The following CHST10 variants were observed in gnomAD, a reference collection of about 807,000 sequenced individuals.
CHST10 encodes the protein carbohydrate sulfotransferase 10.
In CHST10, 24 loss-of-function variants were observed where a neutral mutation model predicts 34.7. The ratio of observed to expected loss-of-function variants is 0.69; its 90% confidence interval spans 0.50 to 0.97. The LOEUF (loss-of-function observed/expected upper bound fraction) is 0.97, where lower values mean the gene tolerates loss of function less well. Among genes scored for constraint, CHST10 ranks in the 50% least tolerant of loss-of-function variants. The pLI, the probability that CHST10 is intolerant of heterozygous loss-of-function variation, is 0.00. For synonymous variants in CHST10, 161 were observed against 169.3 expected (o/e 0.95, Z 0.38); for missense variants, 402 against 452.1 (o/e 0.89, Z 1.00).
At chr2:100,399,665 C>T (rs1276748037) in intron 4 of CHST10, among the ~76,000 whole-genome samples, 1 of 152,162 alleles carries the variant, frequency 6.6e-6, no homozygotes, top group African/African-American at 2.4e-5. Flanking sequence ...AGAGGTCCCC[C>T]CTCAGGGCCC....
intron 4 of CHST10, among the ~76,000 whole-genome samples, chr2:100,399,680 C>T (rs1433286763): frequency 6.6e-6 from 1 of 152,196 alleles, no homozygotes. Flanking sequence ...GGGCCCCCCA[C>T]CCAGCTCTTC....
At chr2:100,405,147 A>G (rs1427279371) in intron 3 of CHST10, among the ~76,000 whole-genome samples, 2 of 152,166 alleles carry the variant, frequency 1.3e-5, no homozygotes, top group African/African-American at 4.8e-5. Flanking sequence ...AAACTGTCAA[A>G]CTGAGATCAT....
At position 100,407,114 on chromosome 2, in the gene CHST10, A is replaced by G. The variant is rs376075879; in HGVS notation, c.-32-407T>C. Among the ~76,000 whole-genome samples the G allele has an allele frequency of 3.7e-3, 559 of 152,308 alleles. 2 individuals are homozygous for G. The highest frequency in any genetic ancestry group is 6.4e-3 in the South Asian group (31 of 4,824). ...AAGGACTAGGCCTTAGCTGAGGGTC[A>G]TTCATAGTGGGCAGAAGCCATGCTG... On this transcript the variant is annotated intron_variant, in intron 2 of 6. Coordinates refer to ENST00000264249, the MANE Select transcript of CHST10 (RefSeq NM_004854.5).
At chr2:100,401,813 G>A (rs1675355536) in intron 4 of CHST10, among the ~76,000 whole-genome samples, 1 of 152,130 alleles carries the variant, frequency 6.6e-6, no homozygotes, top group South Asian at 2.1e-4. Flanking sequence ...TCCTTACACT[G>A]TGACCCATGG....
chr2:100,399,723 C>T (rs1418662618), intron 4 of CHST10, among the ~76,000 whole-genome samples: 1 of 152,196 alleles, frequency 6.6e-6, no homozygotes, highest in Non-Finnish European at 1.5e-5. Flanking sequence ...AACTCTCTTA[C>T]ACTCATGACC....
At chr2:100,400,132 C>T (rs867765952) in intron 4 of CHST10, among the ~76,000 whole-genome samples, 3 of 152,244 alleles carry the variant, frequency 2.0e-5, no homozygotes, top group Admixed American at 1.3e-4. Context: ...CACCTCCCAA[C>T]AAGTTCCCTT....
At position 100,417,433 on chromosome 2, in the gene CHST10, C is replaced by A. The variant is rs958804523; in HGVS notation, c.-163G>T. Reference sequence around the variant, plus strand: ...TCCTCCCCTGGCCCTGGGGGCGCCGCGCGGGTCGGGCTTCGCCGGGCCTGT... The same window carrying A: ...TCCTCCCCTGGCCCTGGGGGCGCCGAGCGGGTCGGGCTTCGCCGGGCCTGT... On this transcript the variant is annotated 5_prime_UTR_variant, in exon 1 of 7. Coordinates refer to ENST00000264249, the MANE Select transcript of CHST10 (RefSeq NM_004854.5). 9 of 175,396 alleles carry A rather than the reference C, an allele frequency of 5.1e-5. No homozygotes were observed. The highest frequency in any genetic ancestry group is 1.1e-4 in the Non-Finnish European group (9 of 82,644). 10.9% of individuals were successfully genotyped at this position (175,396 alleles called of 1,614,324 possible). A position where few individuals can be genotyped will look rare whatever the true frequency, so the allele number is the denominator to read the frequency against.
At chr2:100,406,801 T>C in intron 2 of CHST10, 94 bp from the exon 3 acceptor site, 1 of 1,498,664 alleles carries the variant, frequency 6.7e-7, no homozygotes, top group Non-Finnish European at 9.0e-7. Flanking sequence ...TCAGTAAGTA[T>C]CAGCACAAAT....
rs564241779 is a variant in CHST10 at position 100,409,734 on chromosome 2, C to T, written c.-32-3027G>A. ...AGGAACAAACAGCTACCTGCACACTCATCAGTCAGAAGACCTTCTCAACAA... is the reference window on the plus strand; with the variant it reads ...AGGAACAAACAGCTACCTGCACACTTATCAGTCAGAAGACCTTCTCAACAA... On this transcript the variant is annotated intron_variant, in intron 2 of 6. Transcript: ENST00000264249. Among the ~76,000 whole-genome samples the T allele has an allele frequency of 4.6e-5, 7 of 152,340 alleles. No homozygotes were observed. In the East Asian group the frequency reaches 9.6e-4, roughly 21 times the overall value.
intron 1 of CHST10, chr2:100,415,735 C>G (rs912545683): frequency 6.6e-6 from 1 of 152,254 alleles, no homozygotes; most frequent in Non-Finnish European, 1.5e-5. Context: ...AAAGATTAAG[C>G]TTTATATACA....
At chr2:100,402,157 A>G (rs575098056) in intron 4 of CHST10, among the ~76,000 whole-genome samples, 1 of 152,262 alleles carries the variant, frequency 6.6e-6, no homozygotes, top group South Asian at 2.1e-4. Context: ...TCTCATCCAT[A>G]CAATTTGGAG....
intron 6 of CHST10, among the ~76,000 whole-genome samples, chr2:100,394,277 G>A (rs577194569): frequency 7.9e-5 from 12 of 152,306 alleles, no homozygotes; most frequent in African/African-American, 2.6e-4. Context: ...ACGCTCCAGA[G>A]GGCAGGAGCA....
At chr2:100,404,096 C>T (rs541495655) in intron 3 of CHST10, among the ~76,000 whole-genome samples, 21 of 152,338 alleles carry the variant, frequency 1.4e-4, no homozygotes, top group South Asian at 1.2e-3. Context: ...ACTCAGCTGG[C>T]GGATATCCAC....
intron 1 of CHST10, 197 bp downstream of exon 1, chr2:100,417,177 T>A: frequency 1.5e-6 from 1 of 652,682 alleles, no homozygotes; most frequent in Admixed American, 2.4e-5. Context: ...AAGGACGCCT[T>A]CTTATTGCAT....
rs745767409 is a variant in CHST10, at chr2:100,393,325, C to T, written c.991G>A (p.Asp331Asn). 1.9e-6 allele frequency: 3 copies of T among 1,614,202 alleles called. No homozygotes were observed. In the Admixed American group the frequency reaches 5.0e-5, roughly 27 times the overall value. The stretch of plus-strand genomic sequence containing the variant: ...AAACGGGCATACAGGCGTCGGATGT[C>T]TCGTTTGCTGATGCCCAGGAAATAG... ...EHYFLGISKR[D>N]IRRLYARFEG... Residue 331 changes from aspartate (D) to asparagine (N), a missense_variant, in exon 7 of 7, where the codon GAC becomes AAC. Physicochemically the swap from Asp to Asn is conservative, Grantham distance 23 (BLOSUM62 1). Transcript: ENST00000264249.
rs1676114738 is a variant in CHST10 at position 100,417,436 on chromosome 2, G to C, written c.-166C>G. On this transcript the variant is annotated 5_prime_UTR_variant, in exon 1 of 7. Transcript: ENST00000264249. ...TCCCCTGGCCCTGGGGGCGCCGCGC[G>C]GGTCGGGCTTCGCCGGGCCTGTGGG... 3 of 176,620 alleles carry C rather than the reference G, an allele frequency of 1.7e-5. No individual in the cohort carries two copies. Among genetic ancestry groups the C allele is most frequent in the African/African-American group, 2.4e-5 (1 of 41,686 alleles). 10.9% of individuals were successfully genotyped at this position (176,620 alleles called of 1,614,324 possible).
At position 100,392,701 on chromosome 2, in the gene CHST10, A is replaced by G. The variant is rs1674848561; in HGVS notation, c.*544T>C. ...GTCACAGAAAGAATGCTTTGCCTCC[A>G]CAATTGTCGCAGCACCAAGATGAAG... On this transcript the variant is annotated 3_prime_UTR_variant, in exon 7 of 7. Coordinates refer to ENST00000264249, the MANE Select transcript of CHST10 (RefSeq NM_004854.5). 1 of 160,514 alleles carries G rather than the reference A, an allele frequency of 6.2e-6. No individual in the cohort carries two copies. Among genetic ancestry groups the G allele is most frequent in the Admixed American group, 5.7e-5 (1 of 17,452 alleles). 9.9% of individuals were successfully genotyped at this position (160,514 alleles called of 1,614,324 possible).
chr2:100,414,237 CA>C (rs1280278103), intron 2 of CHST10, among the ~76,000 whole-genome samples: 1 of 152,040 alleles, frequency 6.6e-6, no homozygotes, highest in Admixed American at 6.6e-5. Context: ...CAAGCAGGGA[CA>C]GGGGTGGGTC....
chr2:100,399,483 A>C (rs1289183284), intron 4 of CHST10, among the ~76,000 whole-genome samples: 1 of 152,192 alleles, frequency 6.6e-6, no homozygotes, highest in Non-Finnish European at 1.5e-5. Context: ...TATTGAATGG[A>C]CCCAAATATC....
Sources: gnomAD v4.1 joint callset for allele counts (sites outside exome capture counted in the v4.1 genomes callset) on GRCh38, gnomAD v4.1.1 for gene constraint, MANE v1.5 for transcripts, NCBI Gene and HGNC (gene_info 2026-07-23, HGNC 2026-07-21) for gene names.